Variants in TSPAN7 observed in about 807,000 individuals in gnomAD.
TSPAN7 encodes tetraspanin 7.
A neutral mutation model predicts 17.6 loss-of-function variants in TSPAN7; 1 was observed. That is an observed-to-expected ratio of 0.06 (90% CI 0.02 to 0.27). The LOEUF (loss-of-function observed/expected upper bound fraction) is 0.27. TSPAN7 is among the 10% of genes least tolerant of loss of function. The probability of loss-of-function intolerance (pLI) is 1.00; values close to 1 mark genes in which losing one functional copy is unlikely to be tolerated. For missense variants in TSPAN7, 112 were observed against 201.7 expected, an observed-to-expected ratio of 0.56 and a Z score of 2.69; for synonymous variants, 78 against 79.0, an observed-to-expected ratio of 0.99 and a Z score of 0.07.
At chrX:38,642,377 A>G (rs2069617798) in intron 1 of TSPAN7, among the ~76,000 whole-genome samples, 1 of 112,263 alleles carries the variant, frequency 8.9e-6, no homozygotes, top group Non-Finnish European at 1.9e-5. Context: ...TTTGCTCATT[A>G]TTGTGCTGAG....
intron 1 of TSPAN7, among the ~76,000 whole-genome samples, chrX:38,641,342 A>T (rs1390946125): frequency 8.9e-6 from 1 of 112,179 alleles, no homozygotes; most frequent in African/African-American, 3.2e-5. Context: ...TTCCCTTGGG[A>T]AGGCATGTAT....
intron 1 of TSPAN7, among the ~76,000 whole-genome samples, chrX:38,652,787 T>C (rs2069682362): frequency 8.9e-6 from 1 of 112,252 alleles, no homozygotes; most frequent in Non-Finnish European, 1.9e-5. Context: ...CGTTTACCCA[T>C]GTTTCCTGGC....
At chrX:38,672,004 C>T (rs920831401) in intron 3 of TSPAN7, among the ~76,000 whole-genome samples, 2 of 111,418 alleles carry the variant, frequency 1.8e-5, no homozygotes, top group Non-Finnish European at 3.8e-5. Context: ...GCTAATATCA[C>T]ACTGCTGTAC....
intron 1 of TSPAN7, among the ~76,000 whole-genome samples, chrX:38,640,396 A>C (rs925504996): frequency 2.7e-5 from 3 of 112,187 alleles, no homozygotes; most frequent in Non-Finnish European, 5.6e-5. Context: ...TATTGTGTTT[A>C]CAGATATGGA....
At chrX:38,611,250 G>A (rs1435758027) in intron 1 of TSPAN7, among the ~76,000 whole-genome samples, 2 of 112,498 alleles carry the variant, frequency 1.8e-5, no homozygotes, top group African/African-American at 6.5e-5. Flanking sequence ...ATGGTGGTAT[G>A]CGCATAGCAT....
Position 38,674,334 on chromosome X carries a change from T to C in TSPAN7, c.441+18T>C. ...AGCGCAGCGTAAGTTCCAGAGGAGATGAGGGTGTGAACTAACTATGAAGTC... is the reference window on the plus strand; with the variant it reads ...AGCGCAGCGTAAGTTCCAGAGGAGACGAGGGTGTGAACTAACTATGAAGTC... On this transcript the variant is annotated intron_variant, in intron 4 of 7. Transcript: ENST00000378482. 4.3e-6 allele frequency: 5 copies of C among 1,156,141 alleles called. No homozygotes were observed. Among genetic ancestry groups the C allele is most frequent in the Non-Finnish European group, 5.8e-6 (5 of 858,210 alleles).
chrX:38,621,875 A>G (rs1231548100), intron 1 of TSPAN7, among the ~76,000 whole-genome samples: 1 of 112,489 alleles, frequency 8.9e-6, no homozygotes, highest in Non-Finnish European at 1.9e-5. Flanking sequence ...CTGATGTACT[A>G]TAATTACTTT....
chrX:38,655,218 A>T (rs2069695885), intron 1 of TSPAN7, among the ~76,000 whole-genome samples: 1 of 111,765 alleles, frequency 8.9e-6, no homozygotes, highest in Admixed American at 9.5e-5. Context: ...GCAAGGGTGG[A>T]TGCAAGGGGA....
chrX:38,577,178 G>A (rs907472516), intron 1 of TSPAN7, among the ~76,000 whole-genome samples: 14 of 111,751 alleles, frequency 1.3e-4, no homozygotes, highest in African/African-American at 3.6e-4. Flanking sequence ...TAGAAAAAGC[G>A]GGTTTGAGAC....
chrX:38,680,795 C>T (rs776978064), intron 5 of TSPAN7, among the ~76,000 whole-genome samples: 21 of 111,381 alleles, frequency 1.9e-4, no homozygotes, highest in South Asian at 3.8e-4. Context: ...TTCAAGGATG[C>T]GGAATGTCTT....
At chrX:38,686,505 C>T (rs895974707) in intron 6 of TSPAN7, among the ~76,000 whole-genome samples, 1 of 111,764 alleles carries the variant, frequency 8.9e-6, no homozygotes, top group Non-Finnish European at 1.9e-5. Context: ...AGGTCTGGGG[C>T]GAGATCTGAG....
chrX:38,574,965 G>A (rs2069186327), intron 1 of TSPAN7, among the ~76,000 whole-genome samples: 1 of 110,682 alleles, frequency 9.0e-6, no homozygotes, highest in African/African-American at 3.3e-5. Flanking sequence ...GACTATGTGT[G>A]CATGATTTTA....
intron 1 of TSPAN7, among the ~76,000 whole-genome samples, chrX:38,568,710 A>G (rs2069155181): frequency 1.8e-5 from 2 of 110,318 alleles, no homozygotes; most frequent in African/African-American, 6.6e-5. Context: ...GAGTTTGGGG[A>G]AATTTTCTTT....
chrX:38,679,751 G>GA (rs776845299), intron 5 of TSPAN7, among the ~76,000 whole-genome samples: 24 of 107,776 alleles, frequency 2.2e-4, no homozygotes, highest in Admixed American at 5.9e-4. Context: ...AAGAAAAAAT[G>GA]AAAAAAAAAT....
At chrX:38,616,207 C>G (rs754268796) in intron 1 of TSPAN7, among the ~76,000 whole-genome samples, 59 of 111,881 alleles carry the variant, frequency 5.3e-4, no homozygotes, top group Non-Finnish European at 1.7e-4. Flanking sequence ...ATTAACTCAC[C>G]AAAGCCTCAC....
intron 2 of TSPAN7, among the ~76,000 whole-genome samples, chrX:38,668,146 T>C (rs903898450): frequency 1.1e-4 from 12 of 112,231 alleles, no homozygotes; most frequent in African/African-American, 3.9e-4. Flanking sequence ...TTAAAGTCTT[T>C]AGCGGCAAGG....
intron 1 of TSPAN7, among the ~76,000 whole-genome samples, chrX:38,590,850 T>A (rs1022413702): frequency 8.9e-6 from 1 of 112,102 alleles, no homozygotes; most frequent in African/African-American, 3.2e-5. Flanking sequence ...TGATTATGCT[T>A]ACAGTATCTG....
At chrX:38,614,639 G>A (rs1174420728) in intron 1 of TSPAN7, among the ~76,000 whole-genome samples, 1 of 112,826 alleles carries the variant, frequency 8.9e-6, no homozygotes, top group Non-Finnish European at 1.9e-5. Flanking sequence ...CACAAAGTGT[G>A]AGAAGCACCT....
chrX:38,566,599 G>C (rs1230510019), intron 1 of TSPAN7, among the ~76,000 whole-genome samples: 1 of 111,622 alleles, frequency 9.0e-6, no homozygotes. Context: ...TGAAAAGATG[G>C]AATAGCAGAT....
Sources: gnomAD v4.1 joint callset for allele counts (sites outside exome capture counted in the v4.1 genomes callset) on GRCh38, gnomAD v4.1.1 for gene constraint, MANE v1.5 for transcripts, NCBI Gene and HGNC (gene_info 2026-07-23, HGNC 2026-07-21) for gene names.